Variants in PIK3C3 observed in about 807,000 individuals in gnomAD.
The protein encoded by PIK3C3 is phosphatidylinositol 3-kinase catalytic subunit type 3, also known as PI3-kinase type 3.
Under a neutral mutation model 126.1 loss-of-function variants are expected in PIK3C3, and 95 were observed. The observed-to-expected ratio is 0.75, with a 90% CI of 0.64 to 0.89. The LOEUF is 0.89. Among genes scored for constraint, PIK3C3 ranks in the 40% least tolerant of loss-of-function variants. The pLI, the probability that PIK3C3 is intolerant of heterozygous loss-of-function variation, is 0.00. For missense variants in PIK3C3, 829 were observed against 1,063.2 expected, an observed-to-expected ratio of 0.78 and a Z score of 3.06; for synonymous variants, 374 against 360.0, an observed-to-expected ratio of 1.04 and a Z score of -0.44.
chr18:42,032,195 A>G (rs1009277979), intron 15 of PIK3C3, among the ~76,000 whole-genome samples: 34 of 152,348 alleles, frequency 2.2e-4, no homozygotes, highest in African/African-American at 7.7e-4. Flanking sequence ...AGCAGTGCAC[A>G]GCCCCGGAGG....
chr18:42,053,739 T>G (rs1008403364), intron 21 of PIK3C3, among the ~76,000 whole-genome samples: 18 of 152,118 alleles, frequency 1.2e-4, no homozygotes, highest in African/African-American at 4.3e-4. Context: ...TGTTTTTATT[T>G]TTGGGAGTTT....
intron 3 of PIK3C3, among the ~76,000 whole-genome samples, chr18:41,968,334 T>G (rs1221657786): frequency 2.0e-5 from 3 of 152,348 alleles, no homozygotes; most frequent in Admixed American, 6.5e-5. Flanking sequence ...TAGAGACTGC[T>G]CTAAGCAGGC....
intron 13 of PIK3C3, 23 bp from the exon 14 acceptor site, chr18:42,027,420 G>T: frequency 7.2e-7 from 1 of 1,387,902 alleles, no homozygotes; most frequent in South Asian, 1.2e-5. Flanking sequence ...CACATCACAT[G>T]AATGGCTCAA....
rs756994749 is a variant in PIK3C3 at position 42,027,426 on chromosome 18, C to T, written c.1485-17C>T. The T allele has an allele frequency of 1.9e-5, 27 of 1,458,412 alleles. No individual in the cohort carries two copies. Among genetic ancestry groups the T allele is most frequent in the Non-Finnish European group, 2.1e-5 (22 of 1,048,556 alleles). 90.3% of individuals were successfully genotyped at this position (1,458,412 alleles called of 1,614,324 possible). A position where few individuals can be genotyped will look rare whatever the true frequency, so the allele number is the denominator to read the frequency against. ...GTTTCATTTCACATCACATGAATGG[C>T]TCAAACTATTTTTAAGGTATGTGAT... On this transcript the variant is annotated splice_polypyrimidine_tract_variant and intron_variant, in intron 13 of 24. Coordinates refer to ENST00000262039, the MANE Select transcript of PIK3C3 (RefSeq NM_002647.4).
At chr18:42,021,370 C>G (rs574317747) in intron 13 of PIK3C3, among the ~76,000 whole-genome samples, 1 of 152,114 alleles carries the variant, frequency 6.6e-6, no homozygotes, top group African/African-American at 2.4e-5. Context: ...GCGTGGTGCC[C>G]TTTATTTGCC....
intron 4 of PIK3C3, chr18:41,985,106 A>G (rs148429644): frequency 1.3e-5 from 2 of 152,262 alleles, no homozygotes; most frequent in Non-Finnish European, 2.9e-5. Context: ...GGTGTTAGAA[A>G]TGTGAGTAAA....
chr18:42,022,147 T>G (rs1209816348), intron 13 of PIK3C3, among the ~76,000 whole-genome samples: 2 of 152,086 alleles, frequency 1.3e-5, no homozygotes, highest in Non-Finnish European at 2.9e-5. Flanking sequence ...TCCTTTTTTC[T>G]TTTTTATTGT....
chr18:42,003,608 T>TA (rs1982396633), intron 9 of PIK3C3, among the ~76,000 whole-genome samples: 1 of 152,164 alleles, frequency 6.6e-6, no homozygotes, highest in Non-Finnish European at 1.5e-5. Context: ...AAAGAGGACT[T>TA]ACTGTTTGTG....
At chr18:42,042,541 A>G (rs1346774711) in intron 19 of PIK3C3, among the ~76,000 whole-genome samples, 1 of 152,244 alleles carries the variant, frequency 6.6e-6, no homozygotes, top group African/African-American at 2.4e-5. Flanking sequence ...TGTTTTGAAG[A>G]GGACCTGAAG....
intron 13 of PIK3C3, chr18:42,025,736 G>A (rs1983536192): frequency 6.6e-6 from 1 of 152,174 alleles, no homozygotes; most frequent in Non-Finnish European, 1.5e-5. Context: ...GAATGTGAAA[G>A]CAGGTCATGT....
chr18:41,965,591 T>C (rs1980318186), intron 3 of PIK3C3, among the ~76,000 whole-genome samples: 1 of 152,208 alleles, frequency 6.6e-6, no homozygotes, highest in South Asian at 2.1e-4. Context: ...AGAATCAGCA[T>C]TTTAAACAAG....
At chr18:42,046,006 TGTC>T (rs1984542122) in intron 20 of PIK3C3, among the ~76,000 whole-genome samples, 1 of 152,202 alleles carries the variant, frequency 6.6e-6, no homozygotes, top group African/African-American at 2.4e-5. Context: ...ACATGCTTAA[TGTC>T]GTACCATTGT....
intron 3 of PIK3C3, among the ~76,000 whole-genome samples, chr18:41,965,610 G>A (rs936213974): frequency 2.0e-5 from 3 of 152,172 alleles, no homozygotes; most frequent in Admixed American, 2.0e-4. Flanking sequence ...AGCATCCTGA[G>A]TGAGTCTGTG....
At chr18:41,983,490 T>C (rs541119380) in intron 4 of PIK3C3, among the ~76,000 whole-genome samples, 28 of 152,236 alleles carry the variant, frequency 1.8e-4, no homozygotes, top group South Asian at 8.3e-4. Context: ...CCCTTTCACA[T>C]AGAAAGCCTT....
intron 24 of PIK3C3, among the ~76,000 whole-genome samples, chr18:42,076,181 C>CATAT (rs1290461602): frequency 1.1e-3 from 109 of 97,878 alleles, no homozygotes; most frequent in Non-Finnish European, 1.7e-3. Context: ...TATATATGCA[C>CATAT]ATATATATAT....
chr18:42,047,498 G>A (rs1401710590), intron 20 of PIK3C3, among the ~76,000 whole-genome samples: 2 of 152,122 alleles, frequency 1.3e-5, no homozygotes, highest in Admixed American at 1.3e-4. Context: ...GAAATTGCAT[G>A]TATTGTGGCA....
chr18:41,970,421 ACT>A lies in PIK3C3; in HGVS notation c.502_503del (p.Ser168ArgfsTer27). Reference sequence around the variant, plus strand: ...AAAAACTCCTGGCAGAACAAGTAGCACTCTCTCAGAAGATCAGATGAGCCGTC... The same window carrying A: ...AAAAACTCCTGGCAGAACAAGTAGCACTCTCAGAAGATCAGATGAGCCGTC... The part of the protein sequence containing the change: ...PTKTPGRTSS[T>X]LSEDQMSRLA... On this transcript the variant is annotated frameshift_variant, in exon 4 of 25. Coordinates refer to ENST00000262039, the MANE Select transcript of PIK3C3 (RefSeq NM_002647.4). LOFTEE classifies it high-confidence loss of function. 4.3e-6 allele frequency: 7 copies of A among 1,613,898 alleles called. No individual in the cohort carries two copies. The highest frequency in any genetic ancestry group is 5.9e-6 in the Non-Finnish European group (7 of 1,179,930).
intron 20 of PIK3C3, among the ~76,000 whole-genome samples, chr18:42,046,045 C>A (rs750833437): frequency 3.3e-5 from 5 of 151,888 alleles, no homozygotes; most frequent in Non-Finnish European, 5.9e-5. Context: ...GTCCATTTTC[C>A]CCCCAAGAGC....
chr18:41,985,956 A>C (rs1981453160), intron 4 of PIK3C3, among the ~76,000 whole-genome samples: 1 of 152,146 alleles, frequency 6.6e-6, no homozygotes, highest in Non-Finnish European at 1.5e-5. Flanking sequence ...AACTTAATTT[A>C]CCATTGCCAG....
Sources: gnomAD v4.1 joint callset for allele counts (sites outside exome capture counted in the v4.1 genomes callset) on GRCh38, gnomAD v4.1.1 for gene constraint, MANE v1.5 for transcripts, NCBI Gene and HGNC (gene_info 2026-07-23, HGNC 2026-07-21) for gene names.